The following MECOM variants were observed in gnomAD, a reference collection of about 807,000 sequenced individuals.
MECOM encodes the protein histone-lysine N-methyltransferase MECOM.
MECOM carries 13 observed loss-of-function variants against 116.3 expected under a neutral mutation model. The observed-to-expected ratio is 0.11, with a 90% CI of 0.07 to 0.18. MECOM has a LOEUF of 0.18. Among genes scored for constraint, MECOM ranks in the 10% least tolerant of loss-of-function variants. MECOM has a pLI of 1.00. For missense variants in MECOM, 1,299 were observed against 1,509.0 expected, an observed-to-expected ratio of 0.86 and a Z score of 2.31; for synonymous variants, 528 against 535.2, an observed-to-expected ratio of 0.99 and a Z score of 0.19.
chr3:169,139,888 A>C (rs185049045), intron 3 of MECOM, among the ~76,000 whole-genome samples: 1 of 152,016 alleles, frequency 6.6e-6, no homozygotes, highest in Admixed American at 6.6e-5. Context: ...TATGTCCACC[A>C]ATCAAAATGG....
intron 1 of MECOM, among the ~76,000 whole-genome samples, chr3:169,564,666 T>C (rs1333839884): frequency 1.3e-5 from 2 of 152,202 alleles, no homozygotes; most frequent in Non-Finnish European, 2.9e-5. Flanking sequence ...TGAAACAAGT[T>C]TCCTGTTTGA....
intron 1 of MECOM, among the ~76,000 whole-genome samples, chr3:169,417,797 G>T (rs1168685898): frequency 2.0e-5 from 3 of 152,110 alleles, no homozygotes; most frequent in Middle Eastern, 3.2e-3. Context: ...ATGAGTTCAT[G>T]TCCTTTGTAG....
chr3:169,276,997 TACACACACACACAC>T (rs71300479), intron 2 of MECOM, among the ~76,000 whole-genome samples: 80 of 144,514 alleles, frequency 5.5e-4, no homozygotes, highest in African/African-American at 1.6e-3. Context: ...TAATTTATGT[TACACACACACACAC>T]ACACACACAC....
chr3:169,326,311 A>AC (rs1246478761), intron 2 of MECOM, among the ~76,000 whole-genome samples: 2 of 152,142 alleles, frequency 1.3e-5, no homozygotes, highest in East Asian at 3.9e-4. Flanking sequence ...TGCCACCTGA[A>AC]CCCTTACAGT....
intron 9 of MECOM, 108 bp downstream of exon 9, chr3:169,112,679 T>A: frequency 1.2e-6 from 1 of 840,900 alleles, no homozygotes; most frequent in East Asian, 2.4e-5. Context: ...CACACCAGCG[T>A]CATAGGAAAT....
At chr3:169,365,255 G>A (rs1392013948) in intron 2 of MECOM, among the ~76,000 whole-genome samples, 3 of 152,094 alleles carry the variant, frequency 2.0e-5, no homozygotes, top group East Asian at 3.9e-4. Flanking sequence ...AGCTAAAGAC[G>A]GATATGAAAT....
chr3:169,125,569 T>C (rs1272716984), intron 5 of MECOM, among the ~76,000 whole-genome samples: 1 of 152,156 alleles, frequency 6.6e-6, no homozygotes, highest in Non-Finnish European at 1.5e-5. Flanking sequence ...TCTTTGTTTC[T>C]AATCGGGCAG....
At chr3:169,653,027 G>A (rs1222330256) in intron 1 of MECOM, among the ~76,000 whole-genome samples, 1 of 152,126 alleles carries the variant, frequency 6.6e-6, no homozygotes, top group Non-Finnish European at 1.5e-5. Context: ...TTTAAGTGAG[G>A]GGTCATGGGC....
intron 2 of MECOM, chr3:169,146,856 G>C: frequency 9.6e-7 from 1 of 1,042,386 alleles, no homozygotes; most frequent in South Asian, 3.3e-5. Context: ...GCAACATTTA[G>C]AGATGTTTAA....
At chr3:169,599,775 A>G (rs1256465400) in intron 1 of MECOM, among the ~76,000 whole-genome samples, 1 of 152,194 alleles carries the variant, frequency 6.6e-6, no homozygotes, top group Non-Finnish European at 1.5e-5. Flanking sequence ...ACTCAACACC[A>G]CAACATGATA....
intron 3 of MECOM, among the ~76,000 whole-genome samples, chr3:169,140,898 C>T (rs558697276): frequency 6.6e-6 from 1 of 152,104 alleles, no homozygotes; most frequent in South Asian, 2.1e-4. Context: ...AGAACTTCTT[C>T]ACCCACAAAG....
intron 1 of MECOM, among the ~76,000 whole-genome samples, chr3:169,396,577 C>T (rs565775703): frequency 1.3e-5 from 2 of 152,210 alleles, no homozygotes; most frequent in East Asian, 3.9e-4. Flanking sequence ...GTTTTACCTG[C>T]TTTAATGTGA....
At chr3:169,170,332 G>A (rs757752351) in intron 2 of MECOM, among the ~76,000 whole-genome samples, 8 of 148,612 alleles carry the variant, frequency 5.4e-5, no homozygotes, top group South Asian at 2.1e-4. Context: ...CCCTGAACCC[G>A]GGAGGCGGAG....
chr3:169,522,202 G>A (rs555342766), intron 1 of MECOM, among the ~76,000 whole-genome samples: 2 of 152,158 alleles, frequency 1.3e-5, no homozygotes, highest in African/African-American at 4.8e-5. Flanking sequence ...TGTAGCTCAT[G>A]TTCATGCTTC....
At chr3:169,202,144 C>A (rs1173014639) in intron 2 of MECOM, among the ~76,000 whole-genome samples, 13 of 152,064 alleles carry the variant, frequency 8.5e-5, no homozygotes, top group African/African-American at 3.1e-4. Flanking sequence ...TTACTATAAT[C>A]ATTACTTTCC....
intron 1 of MECOM, among the ~76,000 whole-genome samples, chr3:169,554,035 C>T (rs1761728598): frequency 6.6e-6 from 1 of 152,192 alleles, no homozygotes; most frequent in Middle Eastern, 3.2e-3. Flanking sequence ...TTCCCAGCCT[C>T]CCTTGCATTT....
chr3:169,156,801 C>T (rs532291843), intron 2 of MECOM, among the ~76,000 whole-genome samples: 1 of 152,304 alleles, frequency 6.6e-6, no homozygotes, highest in South Asian at 2.1e-4. Context: ...TTGGCATTAT[C>T]TAGATATGCA....
chr3:169,563,762 T>G (rs1762923239), intron 1 of MECOM, among the ~76,000 whole-genome samples: 1 of 152,162 alleles, frequency 6.6e-6, no homozygotes. Flanking sequence ...TCAGGTGTTT[T>G]TAGAACAAAA....
intron 1 of MECOM, among the ~76,000 whole-genome samples, chr3:169,402,606 A>G (rs1560227841): frequency 1.3e-5 from 2 of 152,190 alleles, no homozygotes; most frequent in African/African-American, 2.4e-5. Context: ...CAGTGAGCCA[A>G]GATTGCACCA....
Sources: allele counts gnomAD v4.1 joint callset (sites outside exome capture counted in the v4.1 genomes callset), GRCh38; gene constraint gnomAD v4.1.1; transcripts MANE v1.5; gene names NCBI Gene and HGNC (gene_info 2026-07-23, HGNC 2026-07-21).